Variants in RBM33 observed in about 807,000 individuals in gnomAD.
RBM33 encodes the protein RNA-binding protein 33.
A neutral mutation model predicts 132.6 loss-of-function variants in RBM33; 28 were observed. The observed-to-expected ratio is 0.21, with a 90% CI of 0.16 to 0.29. The LOEUF (loss-of-function observed/expected upper bound fraction) is 0.29, where lower values mean the gene tolerates loss of function less well. Among genes scored for constraint, RBM33 ranks in the 10% least tolerant of loss-of-function variants. The probability of loss-of-function intolerance (pLI) is 1.00; values close to 1 mark genes in which losing one functional copy is unlikely to be tolerated. For missense variants in RBM33, 1,291 were observed against 1,518.5 expected (o/e 0.85, Z 2.49); for synonymous variants, 634 against 593.0 (o/e 1.07, Z -1.01).
At chr7:155,737,766 G>A (rs1414602627) in intron 10 of RBM33, 104 bp downstream of exon 10, 1 of 1,287,578 alleles carries the variant, frequency 7.8e-7, no homozygotes, top group East Asian at 2.6e-5. Context: ...AGTTGGAGAT[G>A]TTAGGAATGC....
chr7:155,763,771 A>G, intron 14 of RBM33, 41 bp from the exon 15 acceptor site: 1 of 1,566,764 alleles, frequency 6.4e-7, no homozygotes, highest in South Asian at 1.2e-5. Flanking sequence ...CTTTTGGTGG[A>G]GCAGACACTG....
At position 155,774,370 on chromosome 7, in the gene RBM33, T is replaced by C. The variant is rs1182907990; in HGVS notation, c.3376-189T>C. Among the ~76,000 whole-genome samples the C allele has an allele frequency of 6.6e-6, 1 of 152,208 alleles. No individual in the cohort carries two copies. The highest frequency in any genetic ancestry group is 1.5e-5 in the Non-Finnish European group (1 of 68,040). The stretch of plus-strand genomic sequence containing the variant: ...TGTTGGGAATGATTTAGTAAAGCAC[T>C]GTTTTGGAGTAGATTATCTAGATAA... On this transcript the variant is annotated intron_variant, in intron 16 of 17. Transcript: ENST00000401878. The surrounding 1 kb of genome is among the most constrained non-coding windows in gnomAD (Gnocchi z 4.2).
intron 5 of RBM33, among the ~76,000 whole-genome samples, chr7:155,699,465 G>A (rs901919929): frequency 6.6e-6 from 1 of 152,156 alleles, no homozygotes; most frequent in Non-Finnish European, 1.5e-5. Flanking sequence ...GGGAAGTGTG[G>A]TGCAGCACGT....
chr7:155,708,999 AC>A (rs1369020294), intron 7 of RBM33, among the ~76,000 whole-genome samples: 2 of 151,588 alleles, frequency 1.3e-5, no homozygotes, highest in South Asian at 4.2e-4. Flanking sequence ...ATGCCACCTG[AC>A]CCCTTGTCCT....
rs541055071 is a variant in RBM33 at position 155,742,158 on chromosome 7, A to C, written c.2337+52A>C. ...GTTGGTCTCAAACAAGAAGCCTTAG[A>C]ATCAACTTGGATGTCTTAGTTCACT... is the stretch of plus-strand genomic sequence containing the variant. On this transcript the variant is annotated intron_variant, in intron 13 of 17. Transcript: ENST00000401878. 1.7e-5 allele frequency: 25 copies of C among 1,511,936 alleles called. No individual in the cohort carries two copies. In the African/African-American group the frequency reaches 3.2e-4, roughly 19 times the overall value. 93.7% of individuals were successfully genotyped at this position (1,511,936 alleles called of 1,614,324 possible).
intron 1 of RBM33, among the ~76,000 whole-genome samples, chr7:155,647,083 A>G (rs76546798): frequency 0.057 from 8,720 of 152,314 alleles, 251 homozygotes; most frequent in African/African-American, 0.079. Flanking sequence ...AGCTCAGTTT[A>G]GCATATTGTC....
intron 15 of RBM33, among the ~76,000 whole-genome samples, 178 bp downstream of exon 15, chr7:155,764,196 C>G (rs1802139335): frequency 6.6e-6 from 1 of 152,160 alleles, no homozygotes; most frequent in African/African-American, 2.4e-5. Flanking sequence ...AAGCCTTTTC[C>G]TCTCCTGACT....
intron 5 of RBM33, among the ~76,000 whole-genome samples, chr7:155,695,673 C>G (rs1397396890): frequency 6.6e-6 from 1 of 152,158 alleles, no homozygotes; most frequent in Non-Finnish European, 1.5e-5. Flanking sequence ...GTTGGCCAAG[C>G]TGGTCTTGAA....
chr7:155,644,770 C>T lies in RBM33; in HGVS notation c.-107C>T. The T allele has an allele frequency of 1.1e-6, 1 of 935,824 alleles. No individual in the cohort carries two copies. Among genetic ancestry groups the T allele is most frequent in the Non-Finnish European group, 1.5e-6 (1 of 670,354 alleles). 58.0% of individuals were successfully genotyped at this position (935,824 alleles called of 1,614,324 possible). A position where few individuals can be genotyped will look rare whatever the true frequency, so the allele number is the denominator to read the frequency against. ...CGGCTTCGCCTCTGCCTCCTGCAGCCCCCTCCCTTCTCTGTCCTCCGTCAC... is the reference window on the plus strand; with the variant it reads ...CGGCTTCGCCTCTGCCTCCTGCAGCTCCCTCCCTTCTCTGTCCTCCGTCAC... On this transcript the variant is annotated 5_prime_UTR_variant, in exon 1 of 18. Transcript: ENST00000401878.
chr7:155,740,098 A>C (rs1801281367), intron 12 of RBM33, 72 bp downstream of exon 12: 2 of 1,443,880 alleles, frequency 1.4e-6, no homozygotes, highest in African/African-American at 1.4e-5. Context: ...GAGGGGCATA[A>C]TATGTAGGTT....
chr7:155,749,335 A>G (rs1490227039), intron 14 of RBM33, among the ~76,000 whole-genome samples: 1 of 152,198 alleles, frequency 6.6e-6, no homozygotes, highest in African/African-American at 2.4e-5. Flanking sequence ...ATGTACTCAC[A>G]ACATCCTTCT....
In RBM33 at chr7:155,644,795, C is replaced by T; in HGVS notation, c.-82C>T. The T allele has an allele frequency of 8.1e-7, 1 of 1,233,090 alleles. No individual in the cohort carries two copies. The highest frequency in any genetic ancestry group is 1.1e-6 in the Non-Finnish European group (1 of 928,258). 76.4% of individuals were successfully genotyped at this position (1,233,090 alleles called of 1,614,324 possible). ...CCCCTCCCTTCTCTGTCCTCCGTCA[C>T]CCGTACCCGGGCCCGGACCAGGCAC... is the stretch of plus-strand genomic sequence containing the variant. On this transcript the variant is annotated 5_prime_UTR_variant, in exon 1 of 18. Coordinates refer to ENST00000401878, the MANE Select transcript of RBM33 (RefSeq NM_053043.3).
intron 2 of RBM33, among the ~76,000 whole-genome samples, chr7:155,668,216 TACAC>T (rs1252352933): frequency 6.6e-6 from 1 of 152,194 alleles, no homozygotes; most frequent in Non-Finnish European, 1.5e-5. Context: ...TACTGTCACT[TACAC>T]AGTGTGGATA....
chr7:155,724,460 G>A (rs758533250), intron 9 of RBM33, among the ~76,000 whole-genome samples: 3 of 152,170 alleles, frequency 2.0e-5, no homozygotes, highest in African/African-American at 4.8e-5. Flanking sequence ...CCCAGGAGGC[G>A]GAGGTTGCAG....
intron 9 of RBM33, among the ~76,000 whole-genome samples, chr7:155,720,453 G>A (rs1362590614): frequency 6.6e-6 from 1 of 152,064 alleles, no homozygotes; most frequent in African/African-American, 2.4e-5. Context: ...TAAACTCTAG[G>A]CTACCTCTCG....
chr7:155,682,106 A>T (rs1406396176), intron 5 of RBM33, among the ~76,000 whole-genome samples: 1 of 152,090 alleles, frequency 6.6e-6, no homozygotes, highest in African/African-American at 2.4e-5. Context: ...TTTTTTGTAG[A>T]GATGGGGTTT....
chr7:155,738,219 A>G lies in RBM33; in HGVS notation c.1553A>G (p.Gln518Arg), dbSNP rs943702611. Residue 518 changes from glutamine to arginine, a missense_variant, in exon 11 of 18, where the codon CAG becomes CGG. By Grantham distance (43) the Gln-to-Arg change is conservative. Transcript: ENST00000401878. ...GGACCAGCATTTAATCAGCAAGGAC[A>G]GCAGCCAGTGTTCCCAAGAGAGCGG... ...QPGPAFNQQG[Q>R]QPVFPRERPV... is the part of the protein sequence containing the mutation. The G allele has an allele frequency of 7.4e-6, 12 of 1,613,902 alleles. No individual in the cohort carries two copies. Among genetic ancestry groups the G allele is most frequent in the African/African-American group, 2.7e-5 (2 of 74,934 alleles).
chr7:155,718,502 A>G (rs1234428284), intron 9 of RBM33, 59 bp downstream of exon 9: 1 of 1,399,554 alleles, frequency 7.1e-7, no homozygotes, highest in South Asian at 1.2e-5. Context: ...ACTAAGAAAT[A>G]TTAATATAGC....
chr7:155,653,846 G>T (rs1011585352), intron 1 of RBM33, among the ~76,000 whole-genome samples: 3 of 152,162 alleles, frequency 2.0e-5, no homozygotes, highest in African/African-American at 7.2e-5. Flanking sequence ...AGAATTTGTA[G>T]ACTTCAGCCA....
Sources: gnomAD v4.1 joint callset for allele counts (sites outside exome capture counted in the v4.1 genomes callset) on GRCh38, gnomAD v4.1.1 for gene constraint, Gnocchi (gnomAD v3.1) non-coding constraint, MANE v1.5 for transcripts, NCBI Gene and HGNC (gene_info 2026-07-23, HGNC 2026-07-21) for gene names.